CCSER1: variants seen among roughly 807,000 people sequenced by gnomAD.
CCSER1 encodes the protein serine-rich coiled-coil domain-containing protein 1.
CCSER1 carries 41 observed loss-of-function variants against 82.0 expected under a neutral mutation model. The ratio of observed to expected loss-of-function variants is 0.50; its 90% CI spans 0.39 to 0.65. The LOEUF (loss-of-function observed/expected upper bound fraction) is 0.65. Among genes scored for constraint, CCSER1 ranks in the 30% least tolerant of loss-of-function variants. CCSER1 has a pLI of 0.00. For synonymous variants in CCSER1, 414 were observed against 383.9 expected (o/e 1.08, Z -0.92); for missense variants, 1,119 against 1,064.2 (o/e 1.05, Z -0.72).
intron 9 of CCSER1, among the ~76,000 whole-genome samples, chr4:91,082,394 T>A (rs1025065649): frequency 6.6e-6 from 1 of 152,200 alleles, no homozygotes; most frequent in Non-Finnish European, 1.5e-5. Context: ...CCTTACACCT[T>A]ATACAAAAAT....
chr4:90,705,806 T>C (rs1739229267), intron 6 of CCSER1, among the ~76,000 whole-genome samples: 1 of 152,200 alleles, frequency 6.6e-6, no homozygotes, highest in African/African-American at 2.4e-5. Flanking sequence ...GTGTGCTGTT[T>C]GCTAAGACCA....
At chr4:90,649,316 G>T (rs776479833) in intron 6 of CCSER1, among the ~76,000 whole-genome samples, 9 of 152,116 alleles carry the variant, frequency 5.9e-5, no homozygotes, top group Non-Finnish European at 1.3e-4. Context: ...TGGAAATGAA[G>T]AGATTAATTA....
rs113366475 is a variant in CCSER1 at position 91,013,935 on chromosome 4, T to C, written c.2173-72015T>C. 2.4e-3 allele frequency among the ~76,000 whole-genome samples: 319 copies of C among 132,672 alleles called. 18 individuals are homozygous for C. Among genetic ancestry groups the C allele is most frequent in the Middle Eastern group, 7.8e-3 (2 of 256 alleles). 87.0% of individuals were successfully genotyped at this position (132,672 alleles called of 152,430 possible). ...CGCTCCGGGCACACTTTTTTGTTTT[T>C]GTTTTTGTTGTTGTTGTTGTTGTTT... On this transcript the variant is annotated intron_variant, in intron 9 of 10. Transcript: ENST00000509176.
intron 3 of CCSER1, among the ~76,000 whole-genome samples, chr4:90,381,403 T>A (rs190998300): frequency 6.6e-6 from 1 of 152,298 alleles, no homozygotes; most frequent in East Asian, 1.9e-4. Flanking sequence ...GGGAAAATGG[T>A]GAAAACAACA....
chr4:91,551,539 C>T (rs1203459995), intron 10 of CCSER1, among the ~76,000 whole-genome samples: 1 of 151,936 alleles, frequency 6.6e-6, no homozygotes, highest in African/African-American at 2.4e-5. Context: ...TCCAAAGACC[C>T]ATGCAGGGAT....
At chr4:91,073,279 C>T (rs780223691) in intron 9 of CCSER1, among the ~76,000 whole-genome samples, 81 of 152,124 alleles carry the variant, frequency 5.3e-4, no homozygotes, top group Non-Finnish European at 1.1e-3. Flanking sequence ...CCCTCTGTGA[C>T]TTAAATTTCA....
intron 6 of CCSER1, among the ~76,000 whole-genome samples, chr4:90,632,168 ATTT>A (rs982170162): frequency 1.3e-5 from 2 of 151,880 alleles, no homozygotes; most frequent in Non-Finnish European, 2.9e-5. Context: ...TTCTTTCTAA[ATTT>A]TTTTGTGAGG....
intron 4 of CCSER1, among the ~76,000 whole-genome samples, chr4:90,450,919 A>G (rs1761362124): frequency 6.6e-6 from 1 of 152,230 alleles, no homozygotes. Flanking sequence ...ATCATTGGTG[A>G]GAAAAGTCTA....
chr4:91,598,956 A>G lies in CCSER1; in HGVS notation c.2602A>G (p.Arg868Gly). Residue 868 changes from arginine to glycine, a missense_variant, in exon 11 of 11, where the codon AGA becomes GGA. Coordinates refer to ENST00000509176, the MANE Select transcript of CCSER1 (RefSeq NM_001145065.2). ...TACAGGCAGGTTTGGACAGCCACCCAGAGGGCCAATCTCTTTACACATGTA... is the reference window on the plus strand; with the variant it reads ...TACAGGCAGGTTTGGACAGCCACCCGGAGGGCCAATCTCTTTACACATGTA... The part of the protein sequence containing the change: ...TFTGRFGQPP[R>G]GPISLHMYSR... 3.9e-6 allele frequency: 6 copies of G among 1,551,558 alleles called. No homozygotes were observed. Among genetic ancestry groups the G allele is most frequent in the Non-Finnish European group, 5.2e-6 (6 of 1,146,916 alleles).
intron 5 of CCSER1, among the ~76,000 whole-genome samples, chr4:90,573,605 G>T (rs537865611): frequency 6.6e-6 from 1 of 152,226 alleles, no homozygotes; most frequent in South Asian, 2.1e-4. Flanking sequence ...CTCTAAGTTG[G>T]TTTCTGTTGC....
rs191054747 is a variant in CCSER1 at position 91,346,436 on chromosome 4, G to A, written c.2218-252136G>A. Among the ~76,000 whole-genome samples the A allele has an allele frequency of 2.8e-4, 43 of 152,200 alleles. No individual in the cohort carries two copies. In the East Asian group the frequency reaches 7.2e-3, roughly 25 times the overall value. ...TTATGGCAATTGTGATTAAAACTGC[G>A]GTTAATACTCATGTGCAGGTTTTGA... On this transcript the variant is annotated intron_variant, in intron 10 of 10. Transcript: ENST00000509176.
chr4:90,131,678 A>C (rs1174108227), intron 1 of CCSER1, among the ~76,000 whole-genome samples: 1 of 152,158 alleles, frequency 6.6e-6, no homozygotes, highest in Non-Finnish European at 1.5e-5. Context: ...GTATGCAGCC[A>C]CATAATAGTT....
At chr4:90,696,654 T>A (rs905120048) in intron 6 of CCSER1, among the ~76,000 whole-genome samples, 1 of 152,160 alleles carries the variant, frequency 6.6e-6, no homozygotes, top group African/African-American at 2.4e-5. Context: ...AGCTTGATAA[T>A]CATTAAAACC....
At chr4:90,932,962 GAAAGAAAGAA>G (rs1730160927) in intron 9 of CCSER1, among the ~76,000 whole-genome samples, 1 of 34,816 alleles carries the variant, frequency 2.9e-5, no homozygotes, top group Non-Finnish European at 5.1e-5. Context: ...AAGAAAGAAA[GAAAGAAAGAA>G]AGAAAGAAAG....
intron 5 of CCSER1, among the ~76,000 whole-genome samples, chr4:90,496,773 T>A (rs908587172): frequency 1.3e-5 from 2 of 151,756 alleles, no homozygotes; most frequent in African/African-American, 4.8e-5. Context: ...GGTCAAGAGA[T>A]CAAGACCATC....
intron 10 of CCSER1, among the ~76,000 whole-genome samples, chr4:91,099,618 A>G (rs1724854551): frequency 6.6e-6 from 1 of 152,172 alleles, no homozygotes; most frequent in Admixed American, 6.5e-5. Context: ...AAATACATTT[A>G]AGAAATACAT....
At chr4:91,118,015 C>A (rs1726775372) in intron 10 of CCSER1, among the ~76,000 whole-genome samples, 1 of 151,858 alleles carries the variant, frequency 6.6e-6, no homozygotes, top group Non-Finnish European at 1.5e-5. Context: ...TTAAATAGTT[C>A]TAAATTTTAT....
intron 10 of CCSER1, among the ~76,000 whole-genome samples, chr4:91,379,283 A>C (rs1261094400): frequency 1.3e-5 from 2 of 152,022 alleles, no homozygotes; most frequent in Admixed American, 6.6e-5. Flanking sequence ...GTTAGGGAGG[A>C]TTCCCTCTTT....
intron 1 of CCSER1, among the ~76,000 whole-genome samples, chr4:90,290,841 A>G (rs1159872025): frequency 2.0e-5 from 3 of 152,022 alleles, no homozygotes; most frequent in Admixed American, 6.6e-5. Context: ...CAGCAATAGC[A>G]TTCAGAATAT....
Sources: gnomAD v4.1 joint callset for allele counts (sites outside exome capture counted in the v4.1 genomes callset) on GRCh38, gnomAD v4.1.1 for gene constraint, MANE v1.5 for transcripts, NCBI Gene and HGNC (gene_info 2026-07-23, HGNC 2026-07-21) for gene names.